SRGAP3: variants seen among roughly 807,000 people sequenced by gnomAD.
The protein encoded by SRGAP3 is SLIT-ROBO Rho GTPase activating protein 3, also known as SLIT-ROBO Rho GTPase-activating protein 3.
Under a neutral mutation model 121.1 loss-of-function variants are expected in SRGAP3, and 39 were observed. The observed-to-expected ratio is 0.32, with a 90% CI of 0.25 to 0.42. The LOEUF (loss-of-function observed/expected upper bound fraction) is 0.42, where lower values mean the gene tolerates loss of function less well. Ranked by LOEUF, SRGAP3 falls within the 10% of genes least tolerant of loss-of-function variation. SRGAP3 has a pLI of 1.00. For missense variants in SRGAP3, 1,213 were observed against 1,470.6 expected (o/e 0.82, Z 2.86); for synonymous variants, 601 against 570.0 (o/e 1.05, Z -0.77).
intron 1 of SRGAP3, among the ~76,000 whole-genome samples, chr3:9,215,384 C>T (rs1952582457): frequency 6.6e-6 from 1 of 152,058 alleles, no homozygotes; most frequent in African/African-American, 2.4e-5. Context: ...TTTCTCAAGC[C>T]TCCCTCACTA....
intron 1 of SRGAP3, among the ~76,000 whole-genome samples, chr3:9,204,636 A>C (rs567991587): frequency 7.8e-6 from 1 of 127,610 alleles, no homozygotes; most frequent in Admixed American, 8.7e-5. Flanking sequence ...ACGAGGTACC[A>C]ACTCTCCCTA....
chr3:9,066,265 A>T (rs1271940980), intron 4 of SRGAP3, among the ~76,000 whole-genome samples: 1 of 152,214 alleles, frequency 6.6e-6, no homozygotes, highest in Non-Finnish European at 1.5e-5. Flanking sequence ...TATGCTAAGA[A>T]ACAAAGAAAC....
chr3:9,177,554 A>G (rs1951224021), intron 1 of SRGAP3, among the ~76,000 whole-genome samples: 1 of 152,020 alleles, frequency 6.6e-6, no homozygotes, highest in Non-Finnish European at 1.5e-5. Context: ...TTTCATGTAT[A>G]CTCAAAGGTC....
At chr3:9,144,799 T>C (rs182080629) in intron 1 of SRGAP3, among the ~76,000 whole-genome samples, 29 of 152,350 alleles carry the variant, frequency 1.9e-4, no homozygotes, top group Non-Finnish European at 3.8e-4. Context: ...AACAGACTAA[T>C]ACACCTGTCT....
intron 3 of SRGAP3, among the ~76,000 whole-genome samples, chr3:9,086,101 C>T (rs1019416441): frequency 8.5e-5 from 13 of 152,250 alleles, no homozygotes; most frequent in South Asian, 8.3e-4. Flanking sequence ...ACTCCTTCAT[C>T]GTTCCCCTAG....
At chr3:9,129,976 G>A (rs1276110711) in intron 1 of SRGAP3, among the ~76,000 whole-genome samples, 1 of 152,032 alleles carries the variant, frequency 6.6e-6, no homozygotes, top group Non-Finnish European at 1.5e-5. Flanking sequence ...TAGCCAGGCT[G>A]GTGTCGAACT....
rs1239307294 is a variant in SRGAP3, at chr3:8,994,343, A to G, written c.2408T>C (p.Met803Thr). 1 of 1,614,118 alleles carries G rather than the reference A, an allele frequency of 6.2e-7. No homozygotes were observed. The highest frequency in any genetic ancestry group is 2.2e-5 in the East Asian group (1 of 44,884). ...TCACAGAATTCTCGACTCCACTCAC[A>G]TGTCCTGTACAACTATGTACTGATG... ...IPHQYIVVQDMDDAFSDSLSQ... is the reference protein window; with the variant it reads ...IPHQYIVVQDTDDAFSDSLSQ... Residue 803 changes from methionine (M) to threonine (T), a missense_variant and splice_region_variant, in exon 19 of 22, where the codon ATG becomes ACG. Met to Thr is a moderately conservative substitution (Grantham distance 81). Around this residue, in one of 2 missense-constraint regions of SRGAP3, gnomAD observed 420 missense variants for 437.7 expected, o/e 0.96. Transcript: ENST00000383836.
intron 3 of SRGAP3, among the ~76,000 whole-genome samples, chr3:9,319,086 T>C (rs1955399184): frequency 6.6e-6 from 1 of 151,860 alleles, no homozygotes. Flanking sequence ...CATATTAGTA[T>C]TTTAGAATTA....
At chr3:9,233,087 C>T (rs907678076) in intron 1 of SRGAP3, among the ~76,000 whole-genome samples, 2 of 152,122 alleles carry the variant, frequency 1.3e-5, no homozygotes, top group Non-Finnish European at 2.9e-5. Context: ...CTGGCTTAGC[C>T]GACATTTCTA....
rs761618016 is a variant in SRGAP3, at chr3:8,981,847, G to A, written c.*3672C>T. The A allele has an allele frequency of 3.9e-5, 9 of 229,106 alleles. No homozygotes were observed. Among genetic ancestry groups the A allele is most frequent in the Non-Finnish European group, 7.8e-5 (9 of 115,422 alleles). 14.2% of individuals were successfully genotyped at this position (229,106 alleles called of 1,614,324 possible). On this transcript the variant is annotated 3_prime_UTR_variant, in exon 22 of 22. Coordinates refer to ENST00000383836, the MANE Select transcript of SRGAP3 (RefSeq NM_014850.4). ...GGAATCCATCTCTCTCCTGACCCCTGGCCTGGTGACTTCAGAGAAAAGACT... is the reference window on the plus strand; with the variant it reads ...GGAATCCATCTCTCTCCTGACCCCTAGCCTGGTGACTTCAGAGAAAAGACT...
At chr3:9,156,510 A>G (rs566931653) in intron 1 of SRGAP3, among the ~76,000 whole-genome samples, 1 of 152,286 alleles carries the variant, frequency 6.6e-6, no homozygotes, top group South Asian at 2.1e-4. Flanking sequence ...ATGTGTTGGT[A>G]TATTACTCTG....
In SRGAP3 at chr3:9,108,106, A is replaced by G. The variant is rs544754712; in HGVS notation, c.261-3264T>C. Among the ~76,000 whole-genome samples, 26 of 152,230 alleles carry G rather than the reference A, an allele frequency of 1.7e-4. No individual in the cohort carries two copies. In the South Asian group the frequency reaches 5.0e-3, roughly 29 times the overall value. ...GCTGGGGATACAGATTAAAGGCCCA[A>G]TGTTGGGGGAGACTGCCAGACTAAG... On this transcript the variant is annotated intron_variant, in intron 2 of 21. Transcript: ENST00000383836.
intron 1 of SRGAP3, among the ~76,000 whole-genome samples, chr3:9,238,980 T>C (rs1345448491): frequency 1.3e-5 from 2 of 152,166 alleles, no homozygotes; most frequent in Non-Finnish European, 2.9e-5. Flanking sequence ...ACAACAGATG[T>C]CCTCACAAGG....
intron 10 of SRGAP3, among the ~76,000 whole-genome samples, chr3:9,042,538 A>T (rs1333121222): frequency 1.3e-5 from 2 of 152,120 alleles, no homozygotes; most frequent in East Asian, 3.9e-4. Flanking sequence ...TCAACAGGCA[A>T]CTCCTTAATT....
rs899853771 is a variant in SRGAP3 at position 9,203,982 on chromosome 3, C to T, written c.67+44903G>A. 4.6e-5 allele frequency among the ~76,000 whole-genome samples: 7 copies of T among 152,130 alleles called. 1 individual carries two copies. Among genetic ancestry groups the T allele is most frequent in the African/African-American group, 7.2e-5 (3 of 41,444 alleles). ...GCAGCATCTCTGGCCCATTCCCCCA[C>T]GCCCCACCAAAACATGAGAGGAGGA... On this transcript the variant is annotated intron_variant, in intron 1 of 21. Transcript: ENST00000383836.
chr3:9,096,761 C>G (rs2124879195), intron 3 of SRGAP3, among the ~76,000 whole-genome samples: 1 of 151,232 alleles, frequency 6.6e-6, no homozygotes, highest in Non-Finnish European at 1.5e-5. Flanking sequence ...TTTCTTATTT[C>G]TGATCCTTTG....
At chr3:9,057,831 C>T (rs1432654217) in intron 7 of SRGAP3, among the ~76,000 whole-genome samples, 3 of 152,314 alleles carry the variant, frequency 2.0e-5, no homozygotes, top group East Asian at 1.9e-4. Context: ...GAAACTCGAT[C>T]GTCTGGTGTA....
chr3:9,060,590 T>A (rs1028173680), intron 5 of SRGAP3, among the ~76,000 whole-genome samples: 2 of 151,926 alleles, frequency 1.3e-5, no homozygotes, highest in Non-Finnish European at 2.9e-5. Context: ...CACACCTGGC[T>A]AGTTTTTGTT....
At chr3:9,353,755 A>G (rs1341758810) in intron 1 of SRGAP3, among the ~76,000 whole-genome samples, 1 of 152,220 alleles carries the variant, frequency 6.6e-6, no homozygotes, top group African/African-American at 2.4e-5. Context: ...AGATTATATT[A>G]ATAGATACAT....
Sources: gnomAD v4.1 joint callset for allele counts (sites outside exome capture counted in the v4.1 genomes callset) on GRCh38, gnomAD v4.1.1 for gene constraint, gnomAD v4.1.1 regional missense constraint, MANE v1.5 for transcripts, NCBI Gene and HGNC (gene_info 2026-07-23, HGNC 2026-07-21) for gene names.